Variants in SNTG2 observed in about 807,000 individuals in gnomAD.
SNTG2 encodes syntrophin gamma 2.
In SNTG2, 74 loss-of-function variants were observed where a neutral mutation model predicts 70.9. The ratio of observed to expected loss-of-function variants is 1.04; its 90% CI spans 0.86 to 1.27. The LOEUF (loss-of-function observed/expected upper bound fraction) is 1.27. Among genes scored for constraint, SNTG2 ranks in the 50% most tolerant of loss-of-function variants. The pLI is 0.00. For missense variants in SNTG2, 717 were observed against 690.7 expected (o/e 1.04, Z -0.43); for synonymous variants, 278 against 273.8 (o/e 1.02, Z -0.15).
chr2:1,214,103 C>G (rs111839817), intron 9 of SNTG2, among the ~76,000 whole-genome samples: 2,419 of 152,180 alleles, frequency 0.016, 64 homozygotes, highest in African/African-American at 0.053. Context: ...GTTCCATTGG[C>G]CAATGTACCT....
chr2:1,151,249 G>GCGGGCTGTCTCCGGGGGGTGTCTGCGA (rs1669467597), intron 6 of SNTG2, among the ~76,000 whole-genome samples: 1 of 143,772 alleles, frequency 7.0e-6, no homozygotes, highest in African/African-American at 2.6e-5. Flanking sequence ...TCAGGCTGCG[G>GCGGGCTGTCTCCGGGGGGTGTCTGCGA]TCCCATCTGT....
intron 4 of SNTG2, among the ~76,000 whole-genome samples, chr2:1,113,068 CTAAG>C (rs1210074586): frequency 4.9e-5 from 7 of 142,352 alleles, no homozygotes; most frequent in East Asian, 4.1e-4. Flanking sequence ...ATGGTGTGTA[CTAAG>C]TGAGGTTTAA....
At chr2:1,288,263 C>T (rs1035907469) in intron 14 of SNTG2, among the ~76,000 whole-genome samples, 28 of 152,160 alleles carry the variant, frequency 1.8e-4, no homozygotes, top group Admixed American at 7.9e-4. Context: ...ACAGATCTGA[C>T]ATCATATCTA....
chr2:973,558 A>G (rs1660815075), intron 1 of SNTG2, among the ~76,000 whole-genome samples: 1 of 150,872 alleles, frequency 6.6e-6, no homozygotes, highest in African/African-American at 2.4e-5. Flanking sequence ...TTACTTGGAT[A>G]TAGTTGTTTT....
At chr2:1,327,565 A>G (rs193092998) in intron 16 of SNTG2, among the ~76,000 whole-genome samples, 1 of 152,294 alleles carries the variant, frequency 6.6e-6, no homozygotes, top group Admixed American at 6.5e-5. Flanking sequence ...TATTCATTCT[A>G]ATTTTTTGGA....
At chr2:1,188,692 G>T (rs1672394799) in intron 8 of SNTG2, among the ~76,000 whole-genome samples, 1 of 152,062 alleles carries the variant, frequency 6.6e-6, no homozygotes, top group Non-Finnish European at 1.5e-5. Context: ...AATTTTTAAA[G>T]TTAATACAGT....
At chr2:1,098,738 T>C (rs888984120) in intron 4 of SNTG2, among the ~76,000 whole-genome samples, 1 of 152,194 alleles carries the variant, frequency 6.6e-6, no homozygotes, top group Non-Finnish European at 1.5e-5. Flanking sequence ...GAATTACATA[T>C]AGATGGAGAA....
At chr2:1,346,651 C>A (rs556355029) in intron 16 of SNTG2, 1 of 152,226 alleles carries the variant, frequency 6.6e-6, no homozygotes, top group Non-Finnish European at 1.5e-5. Context: ...AGAGTGACTG[C>A]GACCTGGGGA....
Position 982,989 on chromosome 2 carries a change from G to T in SNTG2, c.72+31921G>T, listed in dbSNP as rs13011720. Among the ~76,000 whole-genome samples the T allele has an allele frequency of 4.6e-5, 7 of 151,032 alleles. No individual in the cohort carries two copies. In the East Asian group the frequency reaches 1.4e-3, roughly 30 times the overall value. ...GGTCAGGATGAAGCAGAAGCTGCAG[G>T]GGTGGTGGTCAGGATGAAGAAGCTG... On this transcript the variant is annotated intron_variant, in intron 1 of 16. Transcript: ENST00000308624.
chr2:1,262,652 G>GGCAACCCGAAGGC (rs1678480512), intron 13 of SNTG2, among the ~76,000 whole-genome samples: 1 of 152,088 alleles, frequency 6.6e-6, no homozygotes, highest in South Asian at 2.1e-4. Context: ...TCCAGACGTA[G>GGCAACCCGAAGGC]TAACCGGAAG....
intron 1 of SNTG2, among the ~76,000 whole-genome samples, chr2:971,198 G>A (rs1253646235): frequency 6.6e-6 from 1 of 152,188 alleles, no homozygotes; most frequent in Non-Finnish European, 1.5e-5. Context: ...TTTTGGAATA[G>A]TTTCATTAGG....
intron 14 of SNTG2, among the ~76,000 whole-genome samples, chr2:1,307,892 C>T (rs772510668): frequency 3.2e-4 from 49 of 152,160 alleles, no homozygotes; most frequent in African/African-American, 1.1e-3. Context: ...TGGTCCGGGC[C>T]GCCCTCCGCA....
chr2:979,467 C>T (rs564954264), intron 1 of SNTG2, among the ~76,000 whole-genome samples: 1 of 152,194 alleles, frequency 6.6e-6, no homozygotes, highest in Non-Finnish European at 1.5e-5. Flanking sequence ...TCGGGCTGTG[C>T]CCAGCCTTGC....
intron 16 of SNTG2, among the ~76,000 whole-genome samples, chr2:1,335,746 G>A (rs555294472): frequency 6.6e-6 from 1 of 151,888 alleles, no homozygotes; most frequent in African/African-American, 2.4e-5. Context: ...TGTCCAATGA[G>A]CTTAAATAAC....
intron 1 of SNTG2, among the ~76,000 whole-genome samples, chr2:1,078,721 G>A (rs1664087101): frequency 6.6e-6 from 1 of 152,126 alleles, no homozygotes; most frequent in Non-Finnish European, 1.5e-5. Context: ...CACTGAACTG[G>A]GACAAGGCTG....
At chr2:1,059,027 T>C (rs952597700) in intron 1 of SNTG2, 7 of 152,302 alleles carry the variant, frequency 4.6e-5, no homozygotes, top group African/African-American at 1.7e-4. Context: ...GGCTCACTTT[T>C]GGGCAGCATT....
chr2:1,155,174 C>CACACACACACA (rs376428558), intron 6 of SNTG2, among the ~76,000 whole-genome samples: 7,328 of 146,668 alleles, frequency 0.05, 397 homozygotes, highest in East Asian at 0.13. Flanking sequence ...CGTAGACCCC[C>CACACACACACA]CCCCCACACA....
intron 1 of SNTG2, among the ~76,000 whole-genome samples, chr2:1,019,969 G>A (rs79208703): frequency 0.27 from 41,268 of 152,062 alleles, 5,981 homozygotes; most frequent in Middle Eastern, 0.38. Context: ...CTTGAACTCC[G>A]GAGGCAGAGG....
intron 14 of SNTG2, among the ~76,000 whole-genome samples, chr2:1,270,297 C>T (rs2148188693): frequency 6.6e-6 from 1 of 152,290 alleles, no homozygotes; most frequent in African/African-American, 2.4e-5. Flanking sequence ...AACTCCATTA[C>T]ATAAACTGTA....
Sources: allele counts gnomAD v4.1 joint callset (sites outside exome capture counted in the v4.1 genomes callset), GRCh38; gene constraint gnomAD v4.1.1; transcripts MANE v1.5; gene names NCBI Gene and HGNC (gene_info 2026-07-23, HGNC 2026-07-21).